The following FOXRED2 variants were observed in gnomAD, a reference collection of about 807,000 sequenced individuals.
The protein encoded by FOXRED2 is FAD dependent oxidoreductase domain containing 2, also known as FAD-dependent oxidoreductase domain-containing protein 2.
Under a neutral mutation model 52.5 loss-of-function variants are expected in FOXRED2, and 32 were observed. The ratio of observed to expected loss-of-function variants is 0.61; its 90% CI spans 0.46 to 0.82. The LOEUF is 0.82. FOXRED2 is among the 40% of genes least tolerant of loss of function. The pLI is 0.00. For synonymous variants in FOXRED2, 405 were observed against 398.1 expected, an observed-to-expected ratio of 1.02 and a Z score of -0.21; for missense variants, 848 against 937.5, an observed-to-expected ratio of 0.90 and a Z score of 1.25.
At chr22:36,493,519 G>C in intron 8 of FOXRED2, 114 bp downstream of exon 8, 1 of 800,424 alleles carries the variant, frequency 1.2e-6, no homozygotes, top group Middle Eastern at 2.5e-4. Flanking sequence ...GGGAACAGTA[G>C]TCTGGGGTTT....
rs1314908328 is a variant in FOXRED2 at position 36,505,937 on chromosome 22, G to A, written c.486C>T (p.Tyr162=). The A allele has an allele frequency of 1.9e-6, 3 of 1,614,084 alleles. No individual in the cohort carries two copies. Among genetic ancestry groups the A allele is most frequent in the Non-Finnish European group, 2.5e-6 (3 of 1,180,008 alleles). ...GGCCCTTCTGGTCAGTTAGGATGAAGTAGTGGCCATTCCAGGCCTGTCGGT... is the reference window on the plus strand; with the variant it reads ...GGCCCTTCTGGTCAGTTAGGATGAAATAGTGGCCATTCCAGGCCTGTCGGT... ...DKDRQAWNGH[Y]FILTDQKGQV... The change falls in exon 2 of 9, where the codon TAC becomes TAT. Residue 162 remains tyrosine (Y), a synonymous_variant. Transcript: ENST00000397224.
At chr22:36,491,643 T>C (rs1933759390) in intron 8 of FOXRED2, among the ~76,000 whole-genome samples, 1 of 152,084 alleles carries the variant, frequency 6.6e-6, no homozygotes, top group Non-Finnish European at 1.5e-5. Context: ...GACCTCAAGC[T>C]ATCTGCCTTT....
chr22:36,496,592 G>A (rs5750264), intron 6 of FOXRED2, among the ~76,000 whole-genome samples: 25,186 of 152,166 alleles, frequency 0.17, 2,677 homozygotes, highest in African/African-American at 0.3. Flanking sequence ...GGAGGGCTGC[G>A]CCTCCCATGA....
In FOXRED2 at chr22:36,496,347, C is replaced by T. The variant is rs532099080; in HGVS notation, c.1383-139G>A. Reference sequence around the variant, plus strand: ...ATCAAGCAGCACACCCCTCACTTAACATTACTTTTTCAGCTCAGCTCTCAC... The same window carrying T: ...ATCAAGCAGCACACCCCTCACTTAATATTACTTTTTCAGCTCAGCTCTCAC... On this transcript the variant is annotated intron_variant, in intron 6 of 8. Coordinates refer to ENST00000397224, the MANE Select transcript of FOXRED2 (RefSeq NM_001102371.2). 4.5e-5 allele frequency: 48 copies of T among 1,077,008 alleles called. No homozygotes were observed. In the East Asian group the frequency reaches 9.8e-4, roughly 22 times the overall value. 66.7% of individuals were successfully genotyped at this position (1,077,008 alleles called of 1,614,324 possible). A position where few individuals can be genotyped will look rare whatever the true frequency, so the allele number is the denominator to read the frequency against.
intron 2 of FOXRED2, 64 bp from the exon 3 acceptor site, chr22:36,504,830 CA>C (rs1238377105): frequency 1.3e-6 from 2 of 1,565,514 alleles, no homozygotes; most frequent in Non-Finnish European, 1.7e-6. Flanking sequence ...AAGTGAAAAC[CA>C]CTCCCTGGAC....
At chr22:36,498,833 T>C (rs1933973034) in intron 5 of FOXRED2, among the ~76,000 whole-genome samples, 1 of 148,726 alleles carries the variant, frequency 6.7e-6, no homozygotes, top group African/African-American at 2.5e-5. Context: ...CTCCCAGAAT[T>C]GAGTCCAATC....
intron 7 of FOXRED2, among the ~76,000 whole-genome samples, 169 bp from the exon 8 acceptor site, chr22:36,493,972 C>T (rs1003163277): frequency 6.6e-6 from 1 of 152,186 alleles, no homozygotes; most frequent in African/African-American, 2.4e-5. Flanking sequence ...TCAAGAGCCA[C>T]CTGCAGATAT....
At chr22:36,497,911 C>A in intron 6 of FOXRED2, 80 bp downstream of exon 6, 1 of 1,482,434 alleles carries the variant, frequency 6.7e-7, no homozygotes, top group Non-Finnish European at 9.2e-7. Context: ...GCACCTCACA[C>A]CTGGAATAGG....
In FOXRED2 at chr22:36,496,039, C is replaced by G. The variant is rs979351883; in HGVS notation, c.1552G>C (p.Gly518Arg). The change falls in exon 7 of 9, where the codon GGG becomes CGG. Residue 518 changes from glycine to arginine, a missense_variant. By Grantham distance (125) the Gly-to-Arg change is moderately radical. Transcript: ENST00000397224. ...KDVFFDDRSV[G>R]HTEDAWQSNF... is the part of the protein sequence containing the mutation. ...GACTGCCAGGCATCTTCTGTGTGCC[C>G]CACAGACCGGTCATCAAAGAAGACG... 1 of 1,614,120 alleles carries G rather than the reference C, an allele frequency of 6.2e-7. No homozygotes were observed. The highest frequency in any genetic ancestry group is 1.7e-5 in the Admixed American group (1 of 60,020).
At chr22:36,494,299 G>A (rs1011711464) in intron 7 of FOXRED2, among the ~76,000 whole-genome samples, 2 of 151,908 alleles carry the variant, frequency 1.3e-5, no homozygotes, top group South Asian at 2.1e-4. Context: ...TACATTTTTC[G>A]TAGAGATGGG....
intron 8 of FOXRED2, 89 bp downstream of exon 8, chr22:36,493,544 G>C: frequency 8.9e-7 from 1 of 1,125,664 alleles, no homozygotes; most frequent in Middle Eastern, 2.0e-4. Flanking sequence ...TTCCAGATAT[G>C]GGTCCTGAAA....
At chr22:36,501,763 G>T (rs1174274591) in intron 4 of FOXRED2, among the ~76,000 whole-genome samples, 1 of 152,092 alleles carries the variant, frequency 6.6e-6, no homozygotes, top group Non-Finnish European at 1.5e-5. Flanking sequence ...ACCCAGCCAG[G>T]AGGCACTTAT....
rs150010199 is a variant in FOXRED2 at position 36,490,991 on chromosome 22, G to A, written c.1796-724C>T. On this transcript the variant is annotated intron_variant, in intron 8 of 8. Coordinates refer to ENST00000397224, the MANE Select transcript of FOXRED2 (RefSeq NM_001102371.2). ...GCCAACATAATGAGAAAGAAACCCC[G>A]TCTCTAGTAAAAATACAAAAATTAG... Among the ~76,000 whole-genome samples the A allele has an allele frequency of 1.6e-3, 240 of 152,150 alleles. 2 individuals are homozygous for A. The highest frequency in any genetic ancestry group is 5.1e-3 in the African/African-American group (210 of 41,522).
chr22:36,489,842 A>G lies in FOXRED2; in HGVS notation c.*166T>C, dbSNP rs1172952344. On this transcript the variant is annotated 3_prime_UTR_variant, in exon 9 of 9. Coordinates refer to ENST00000397224, the MANE Select transcript of FOXRED2 (RefSeq NM_001102371.2). Reference sequence around the variant, plus strand: ...GGAGACCACCGCATCCCCGACTTTCAGCCCTCACGTGCCATCTGGTGGCTT... The same window carrying G: ...GGAGACCACCGCATCCCCGACTTTCGGCCCTCACGTGCCATCTGGTGGCTT... 7.9e-6 allele frequency: 5 copies of G among 632,390 alleles called. No individual in the cohort carries two copies. Among genetic ancestry groups the G allele is most frequent in the Non-Finnish European group, 1.2e-5 (5 of 400,388 alleles). 39.2% of individuals were successfully genotyped at this position (632,390 alleles called of 1,614,324 possible). A position where few individuals can be genotyped will look rare whatever the true frequency, so the allele number is the denominator to read the frequency against.
intron 5 of FOXRED2, among the ~76,000 whole-genome samples, chr22:36,500,018 C>G (rs1430612960): frequency 6.6e-6 from 1 of 152,112 alleles, no homozygotes; most frequent in Admixed American, 6.6e-5. Context: ...CCAGGCTGGT[C>G]TCGAACTCCT....
Position 36,506,106 on chromosome 22 carries a change from T to C in FOXRED2, c.317A>G (p.Asp106Gly). Reference protein sequence around the residue: ...RHDWNSLLSHDPRLLFRHYSR... With the variant: ...RHDWNSLLSHGPRLLFRHYSR... ...GTAGTGTCTGAAGAGCAGCCGGGGG[T>C]CGTGGCTGAGCAGAGAGTTCCAGTC... Residue 106 changes from aspartate to glycine, a missense_variant, in exon 2 of 9, where the codon GAC becomes GGC. Transcript: ENST00000397224. 1 of 1,613,876 alleles carries C rather than the reference T, an allele frequency of 6.2e-7. No homozygotes were observed. The highest frequency in any genetic ancestry group is 8.5e-7 in the Non-Finnish European group (1 of 1,179,946).
At position 36,506,132 on chromosome 22, in the gene FOXRED2, G is replaced by C; in HGVS notation, c.291C>G (p.His97Gln). ...CGTGGCTGAGCAGAGAGTTCCAGTC[G>C]TGGCGGAGGTTGAACTCGGCGTTAG... ...GKANAEFNLR[H>Q]DWNSLLSHDP... The change falls in exon 2 of 9, where the codon CAC becomes CAG. Residue 97 changes from histidine to glutamine, a missense_variant. Transcript: ENST00000397224. 6.2e-7 allele frequency: 1 copy of C among 1,614,282 alleles called. No individual in the cohort carries two copies. Among genetic ancestry groups the C allele is most frequent in the Non-Finnish European group, 8.5e-7 (1 of 1,180,052 alleles).
rs148956304 is a variant in FOXRED2, at chr22:36,506,009, G to C, written c.414C>G (p.Leu138=). The change falls in exon 2 of 9, where the codon CTC becomes CTG. Residue 138 remains leucine, a synonymous_variant. Coordinates refer to ENST00000397224, the MANE Select transcript of FOXRED2 (RefSeq NM_001102371.2). ...CGATGGTGGTGTTGTACTGGACACG[G>C]AGCCCCAGCGTGTCCGCGAAGTCAC... ...YLGDFADTLG[L]RVQYNTTIAH... The C allele has an allele frequency of 7.1e-5, 115 of 1,614,142 alleles. No individual in the cohort carries two copies. The highest frequency in any genetic ancestry group is 9.4e-5 in the Non-Finnish European group (111 of 1,180,062).
chr22:36,502,358 G>A (rs1327461232), intron 4 of FOXRED2, among the ~76,000 whole-genome samples: 5 of 152,196 alleles, frequency 3.3e-5, no homozygotes, highest in East Asian at 1.9e-4. Context: ...CAAACCTCCC[G>A]AGGTAGTCGG....
Sources: allele counts gnomAD v4.1 joint callset (sites outside exome capture counted in the v4.1 genomes callset), GRCh38; gene constraint gnomAD v4.1.1; transcripts MANE v1.5; gene names NCBI Gene and HGNC (gene_info 2026-07-23, HGNC 2026-07-21).